Variants in FBXW8 observed in about 807,000 individuals in gnomAD.
The protein encoded by FBXW8 is F-box/WD repeat-containing protein 8.
In FBXW8, 57 loss-of-function variants were observed where a neutral mutation model predicts 65.3. The ratio of observed to expected loss-of-function variants is 0.87; its 90% CI spans 0.71 to 1.09. FBXW8 has a LOEUF of 1.09. Ranked by LOEUF, FBXW8 falls within the 50% of genes least tolerant of loss-of-function variation. FBXW8 has a pLI of 0.00. For synonymous variants in FBXW8, 308 were observed against 330.2 expected (o/e 0.93, Z 0.73); for missense variants, 777 against 814.8 (o/e 0.95, Z 0.57).
intron 2 of FBXW8, among the ~76,000 whole-genome samples, chr12:116,928,726 C>T (rs16947122): frequency 0.07 from 10,617 of 152,088 alleles, 972 homozygotes; most frequent in African/African-American, 0.21. Context: ...TCATTTAGGC[C>T]AAACTGCATT....
chr12:117,013,556 C>G (rs1454703460), intron 8 of FBXW8, among the ~76,000 whole-genome samples: 1 of 152,124 alleles, frequency 6.6e-6, no homozygotes, highest in African/African-American at 2.4e-5. Context: ...ACCACACTCT[C>G]TCTGGTACTC....
At chr12:116,973,947 C>T (rs1404649379) in intron 5 of FBXW8, among the ~76,000 whole-genome samples, 5 of 152,084 alleles carry the variant, frequency 3.3e-5, no homozygotes, top group Admixed American at 1.3e-4. Context: ...ACTAGAAAAC[C>T]GGACAAAATA....
intron 7 of FBXW8, among the ~76,000 whole-genome samples, chr12:117,007,603 T>A (rs2135705840): frequency 6.6e-6 from 1 of 152,310 alleles, no homozygotes; most frequent in South Asian, 2.1e-4. Flanking sequence ...TTCTCCGGGA[T>A]TTGTGCTGGG....
At chr12:116,929,564 TA>T (rs1881609137) in intron 2 of FBXW8, among the ~76,000 whole-genome samples, 1 of 152,204 alleles carries the variant, frequency 6.6e-6, no homozygotes, top group African/African-American at 2.4e-5. Context: ...AATTTCATTT[TA>T]TTTTTTTAAA....
chr12:116,988,666 C>G lies in FBXW8; in HGVS notation c.1036C>G (p.Gln346Glu). 6.2e-7 allele frequency: 1 copy of G among 1,613,946 alleles called. No homozygotes were observed. Among genetic ancestry groups the G allele is most frequent in the Non-Finnish European group, 8.5e-7 (1 of 1,179,894 alleles). ...AACAACTCTTACCTTTTAACAGGTTCAGTACCTTGAAATAGTTCCAGAAAC... is the reference window on the plus strand; with the variant it reads ...AACAACTCTTACCTTTTAACAGGTTGAGTACCTTGAAATAGTTCCAGAAAC... ...AAEFEVPKLV[Q>E]YLEIVPETRR... is the part of the protein sequence containing the mutation. The change falls in exon 7 of 11, where the codon CAG becomes GAG. Residue 346 changes from glutamine to glutamate, a missense_variant. Transcript: ENST00000652555.
At chr12:117,024,352 C>G in intron 9 of FBXW8, 32 bp downstream of exon 9, 1 of 1,611,850 alleles carries the variant, frequency 6.2e-7, no homozygotes, top group South Asian at 1.1e-5. Context: ...CTTGGGAGTT[C>G]CTAGTAGGAA....
rs118102898 is a variant in FBXW8, at chr12:116,985,466, C to T, written c.1032+64C>T. 1,864 of 1,499,048 alleles carry T rather than the reference C, an allele frequency of 1.2e-3. 16 individuals are homozygous for T. In the East Asian group the frequency reaches 0.018, roughly 14 times the overall value. 92.9% of individuals were successfully genotyped at this position (1,499,048 alleles called of 1,614,324 possible). A position where few individuals can be genotyped will look rare whatever the true frequency, so the allele number is the denominator to read the frequency against. ...AGAATCTCTGGGTCTAATGTAAGCA[C>T]GTACTAATGGTGTTGGTAACTCCCA... is the stretch of plus-strand genomic sequence containing the variant. On this transcript the variant is annotated intron_variant, in intron 6 of 10. Transcript: ENST00000652555.
chr12:116,916,749 C>T (rs1000837570), intron 1 of FBXW8, among the ~76,000 whole-genome samples: 2 of 152,084 alleles, frequency 1.3e-5, no homozygotes, highest in African/African-American at 4.8e-5. Context: ...CCATCCAAAA[C>T]GTTGGCTTAA....
At chr12:116,931,090 A>C (rs932483199) in intron 2 of FBXW8, among the ~76,000 whole-genome samples, 10 of 152,168 alleles carry the variant, frequency 6.6e-5, no homozygotes, top group African/African-American at 2.4e-4. Context: ...ATCTAATTTC[A>C]TTCTTCTGTA....
At position 116,998,401 on chromosome 12, in the gene FBXW8, G is replaced by C. The variant is rs142548882; in HGVS notation, c.1239+9532G>C. ...GACTCTAAGTTTACAGAACCATTTAGATTGAAGAATATCATGTTCATTGCC... is the reference window on the plus strand; with the variant it reads ...GACTCTAAGTTTACAGAACCATTTACATTGAAGAATATCATGTTCATTGCC... On this transcript the variant is annotated intron_variant, in intron 7 of 10. Coordinates refer to ENST00000652555, the MANE Select transcript of FBXW8 (RefSeq NM_153348.3). 3.2e-3 allele frequency among the ~76,000 whole-genome samples: 486 copies of C among 152,266 alleles called. 2 individuals are homozygous for C. The highest frequency in any genetic ancestry group is 0.011 in the African/African-American group (438 of 41,544).
chr12:116,992,536 C>A (rs1953268734), intron 7 of FBXW8, among the ~76,000 whole-genome samples: 1 of 151,746 alleles, frequency 6.6e-6, no homozygotes. Flanking sequence ...GTACCTGTCA[C>A]CCAAATAGTA....
intron 5 of FBXW8, among the ~76,000 whole-genome samples, chr12:116,973,311 C>G (rs1884742842): frequency 6.6e-6 from 1 of 152,046 alleles, no homozygotes; most frequent in Non-Finnish European, 1.5e-5. Flanking sequence ...GACAAAAAAT[C>G]AATTGAGGCT....
In FBXW8 at chr12:116,945,446, G is replaced by T. The variant is rs900295055; in HGVS notation, c.506G>T (p.Ser169Ile). ...CAGCAGGAAGGGCACCTTCCGGATAGCAGCATCTCTGACTATTCTTGCTGG... is the reference window on the plus strand; with the variant it reads ...CAGCAGGAAGGGCACCTTCCGGATATCAGCATCTCTGACTATTCTTGCTGG... ...LCQQEGHLPD[S>I]SISDYSCWKL... Residue 169 changes from serine to isoleucine, a missense_variant, in exon 3 of 11, where the codon AGC becomes ATC. By Grantham distance (142) the Ser-to-Ile change is moderately radical. Coordinates refer to ENST00000652555, the MANE Select transcript of FBXW8 (RefSeq NM_153348.3). 6.2e-7 allele frequency: 1 copy of T among 1,614,164 alleles called. No individual in the cohort carries two copies. The highest frequency in any genetic ancestry group is 8.5e-7 in the Non-Finnish European group (1 of 1,180,032).
At chr12:117,018,077 G>A (rs1383779651) in intron 8 of FBXW8, among the ~76,000 whole-genome samples, 1 of 152,128 alleles carries the variant, frequency 6.6e-6, no homozygotes, top group East Asian at 1.9e-4. Flanking sequence ...CCTCCCTCTC[G>A]GTTCCAGCAC....
chr12:116,999,998 T>TTTC (rs556134835), intron 7 of FBXW8, among the ~76,000 whole-genome samples: 1 of 151,636 alleles, frequency 6.6e-6, no homozygotes, highest in South Asian at 2.1e-4. Context: ...TTTTTTTTTT[T>TTTC]TTTGAGACGG....
chr12:116,991,237 C>T (rs193251992), intron 7 of FBXW8, among the ~76,000 whole-genome samples: 193 of 152,344 alleles, frequency 1.3e-3, no homozygotes, highest in Middle Eastern at 6.8e-3. Context: ...AGGAATGCCA[C>T]CCACTCAAAA....
At chr12:116,925,238 GT>G (rs1044507054) in intron 1 of FBXW8, among the ~76,000 whole-genome samples, 1 of 152,006 alleles carries the variant, frequency 6.6e-6, no homozygotes, top group Admixed American at 6.6e-5. Context: ...GGCTGCCTTA[GT>G]GGGGTGGGAG....
At chr12:116,955,042 G>GA (rs999921103) in intron 4 of FBXW8, among the ~76,000 whole-genome samples, 1 of 150,974 alleles carries the variant, frequency 6.6e-6, no homozygotes, top group Non-Finnish European at 1.5e-5. Flanking sequence ...GAAATGGGGG[G>GA]GGGGGGCCCT....
intron 7 of FBXW8, 83 bp from the exon 8 acceptor site, chr12:117,010,240 C>T: frequency 6.3e-7 from 1 of 1,585,342 alleles, no homozygotes; most frequent in Non-Finnish European, 8.6e-7. Context: ...AGGATCATGC[C>T]CTCCACGATG....
Sources: allele counts gnomAD v4.1 joint callset (sites outside exome capture counted in the v4.1 genomes callset), GRCh38; gene constraint gnomAD v4.1.1; transcripts MANE v1.5; gene names NCBI Gene and HGNC (gene_info 2026-07-23, HGNC 2026-07-21).